The following SLMAP variants were observed in gnomAD, a reference collection of about 807,000 sequenced individuals.
SLMAP encodes the protein sarcolemmal membrane-associated protein.
In SLMAP, 44 loss-of-function variants were observed where a neutral mutation model predicts 128.8. The observed-to-expected ratio is 0.34, with a 90% confidence interval of 0.27 to 0.44. The LOEUF (loss-of-function observed/expected upper bound fraction) is 0.44, where lower values mean the gene tolerates loss of function less well. Ranked by LOEUF, SLMAP falls within the 20% of genes least tolerant of loss-of-function variation. SLMAP has a pLI of 1.00. For missense variants in SLMAP, 787 were observed against 985.3 expected, an observed-to-expected ratio of 0.80 and a Z score of 2.69; for synonymous variants, 327 against 348.8, an observed-to-expected ratio of 0.94 and a Z score of 0.70.
chr3:57,861,864 C>G (rs1228495834), intron 9 of SLMAP, 85 bp from the exon 10 acceptor site: 1 of 1,198,098 alleles, frequency 8.3e-7, no homozygotes. Context: ...TAGAATTATA[C>G]TTTTTATAAA....
At chr3:57,896,364 G>A (rs1472155155) in intron 15 of SLMAP, 147 bp from the exon 16 acceptor site, 1 of 1,384,110 alleles carries the variant, frequency 7.2e-7, no homozygotes, top group African/African-American at 1.5e-5. Flanking sequence ...GACAAGGGTG[G>A]TGAAGAAGTA....
chr3:57,810,295 C>A (rs2090722806), intron 2 of SLMAP, among the ~76,000 whole-genome samples: 1 of 152,216 alleles, frequency 6.6e-6, no homozygotes, highest in South Asian at 2.1e-4. Context: ...CCTTGCCACT[C>A]CATGCCTGGC....
intron 2 of SLMAP, among the ~76,000 whole-genome samples, chr3:57,762,276 G>A (rs1416771560): frequency 6.6e-6 from 1 of 151,930 alleles, no homozygotes; most frequent in Non-Finnish European, 1.5e-5. Flanking sequence ...GGCTGAGGCA[G>A]GAGAATTGCT....
At chr3:57,795,650 T>C (rs888329833) in intron 2 of SLMAP, among the ~76,000 whole-genome samples, 3 of 152,262 alleles carry the variant, frequency 2.0e-5, no homozygotes, top group Non-Finnish European at 4.4e-5. Flanking sequence ...GTGGGTTGTC[T>C]TGGTGGTGTT....
intron 2 of SLMAP, among the ~76,000 whole-genome samples, chr3:57,760,042 C>T (rs1355687442): frequency 6.6e-6 from 1 of 152,106 alleles, no homozygotes; most frequent in Non-Finnish European, 1.5e-5. Flanking sequence ...TGGGTTCAAG[C>T]GATTCTTGTG....
chr3:57,896,494 T>A lies in SLMAP; in HGVS notation c.1361-17T>A. 6.3e-7 allele frequency: 1 copy of A among 1,584,604 alleles called. No individual in the cohort carries two copies. Among genetic ancestry groups the A allele is most frequent in the Non-Finnish European group, 8.6e-7 (1 of 1,167,778 alleles). ...TTTAACTGTAATAAGATTTTACTTT[T>A]ATTTTTTTCTTGGTAGAAAATCAGA... On this transcript the variant is annotated splice_polypyrimidine_tract_variant and intron_variant, in intron 15 of 24. Coordinates refer to ENST00000671191, the MANE Select transcript of SLMAP (RefSeq NM_001377540.1).
intron 2 of SLMAP, among the ~76,000 whole-genome samples, chr3:57,770,640 G>A (rs1395438951): frequency 6.6e-6 from 1 of 152,176 alleles, no homozygotes; most frequent in Non-Finnish European, 1.5e-5. Context: ...CCAGATATGT[G>A]ACCTTGGGGA....
intron 8 of SLMAP, among the ~76,000 whole-genome samples, chr3:57,858,600 A>AT (rs2094899456): frequency 1.3e-5 from 2 of 152,116 alleles, no homozygotes; most frequent in African/African-American, 4.8e-5. Flanking sequence ...TCTTTTTGAG[A>AT]TTTTTATCAA....
chr3:57,833,356 G>A (rs968510975), intron 3 of SLMAP, among the ~76,000 whole-genome samples: 39 of 152,054 alleles, frequency 2.6e-4, no homozygotes. Flanking sequence ...TTTAGAAAAT[G>A]CTATAGAAAG....
chr3:57,784,480 G>A (rs1463650673), intron 2 of SLMAP, among the ~76,000 whole-genome samples: 1 of 152,216 alleles, frequency 6.6e-6, no homozygotes, highest in African/African-American at 2.4e-5. Flanking sequence ...TGGAATGAGA[G>A]TGTCTGTCCT....
chr3:57,824,546 A>G (rs570016051), intron 2 of SLMAP, among the ~76,000 whole-genome samples: 2 of 152,272 alleles, frequency 1.3e-5, no homozygotes, highest in African/African-American at 4.8e-5. Context: ...GACTTTGAAA[A>G]TCACTAGGCT....
intron 18 of SLMAP, among the ~76,000 whole-genome samples, chr3:57,908,852 C>T (rs1366647242): frequency 6.6e-6 from 1 of 152,134 alleles, no homozygotes; most frequent in Non-Finnish European, 1.5e-5. Flanking sequence ...ATACCAGGTC[C>T]AGAAAACTCC....
At chr3:57,784,884 C>T (rs2083776983) in intron 2 of SLMAP, among the ~76,000 whole-genome samples, 1 of 152,094 alleles carries the variant, frequency 6.6e-6, no homozygotes, top group East Asian at 1.9e-4. Context: ...TCTGTCCTGT[C>T]TTGCTCTCCC....
At chr3:57,880,579 A>C (rs1410741257) in intron 14 of SLMAP, among the ~76,000 whole-genome samples, 2 of 152,102 alleles carry the variant, frequency 1.3e-5, no homozygotes, top group Non-Finnish European at 2.9e-5. Flanking sequence ...AGTATTGCTC[A>C]AAAAAGAGAG....
intron 22 of SLMAP, among the ~76,000 whole-genome samples, chr3:57,919,486 G>A (rs1471251632): frequency 6.6e-6 from 1 of 151,912 alleles, no homozygotes; most frequent in Non-Finnish European, 1.5e-5. Context: ...TAATTTAGTA[G>A]GAATATCTGT....
At chr3:57,797,153 G>C (rs2086925969) in intron 2 of SLMAP, among the ~76,000 whole-genome samples, 1 of 146,376 alleles carries the variant, frequency 6.8e-6, no homozygotes, top group Non-Finnish European at 1.5e-5. Context: ...CTGCCCTCCA[G>C]CCTGGGTGAC....
In SLMAP at chr3:57,929,480, C is replaced by G. The variant is rs181621164; in HGVS notation, c.*2191C>G. ...TGGAATAAATGGCTTTTTGTAGTTA[C>G]TTCCAGTTTTCCTCAAGAATAGAAA... On this transcript the variant is annotated 3_prime_UTR_variant, in exon 25 of 25. Transcript: ENST00000671191. Among the ~76,000 whole-genome samples, 7 of 152,208 alleles carry G rather than the reference C, an allele frequency of 4.6e-5. No homozygotes were observed. In the East Asian group the frequency reaches 1.3e-3, roughly 29 times the overall value.
intron 2 of SLMAP, among the ~76,000 whole-genome samples, chr3:57,829,856 G>C (rs551232427): frequency 6.6e-6 from 1 of 152,130 alleles, no homozygotes. Flanking sequence ...GAGGGGTGAA[G>C]GATAAATGAA....
intron 22 of SLMAP, among the ~76,000 whole-genome samples, chr3:57,922,484 A>T (rs34953611): frequency 0.031 from 4,579 of 145,778 alleles, 97 homozygotes; most frequent in Middle Eastern, 0.052. Context: ...TGGAGTGCAC[A>T]GTGGCATGAT....
Sources: allele counts gnomAD v4.1 joint callset (sites outside exome capture counted in the v4.1 genomes callset), GRCh38; gene constraint gnomAD v4.1.1; transcripts MANE v1.5; gene names NCBI Gene and HGNC (gene_info 2026-07-23, HGNC 2026-07-21).